The following POLR2B variants were observed in gnomAD, a reference collection of about 807,000 sequenced individuals.
The protein encoded by POLR2B is DNA-directed RNA polymerase II subunit RPB2.
Under a neutral mutation model 144.6 loss-of-function variants are expected in POLR2B, and 57 were observed. The observed-to-expected ratio is 0.39, with a 90% CI of 0.32 to 0.49. POLR2B has a LOEUF of 0.49. Ranked by LOEUF, POLR2B falls within the 20% of genes least tolerant of loss-of-function variation. The probability of loss-of-function intolerance (pLI) is 0.83; values close to 1 mark genes in which losing one functional copy is unlikely to be tolerated. For missense variants in POLR2B, 595 were observed against 1,467.4 expected (o/e 0.41, Z 9.71); for synonymous variants, 442 against 469.8 (o/e 0.94, Z 0.77).
intron 1 of POLR2B, among the ~76,000 whole-genome samples, chr4:56,979,809 C>T (rs1384820678): frequency 6.6e-6 from 1 of 150,768 alleles, no homozygotes; most frequent in East Asian, 2.0e-4. Context: ...TGAGGCCGGA[C>T]GATCGCTTGA....
At chr4:56,979,153 C>T (rs1722073429) in intron 1 of POLR2B, 149 bp downstream of exon 1, 4 of 838,172 alleles carry the variant, frequency 4.8e-6, no homozygotes, top group African/African-American at 1.7e-5. Flanking sequence ...GGGAACGAAA[C>T]TGGGGTAGGG....
chr4:57,023,756 G>T lies in POLR2B; in HGVS notation c.2856+5G>T. On this transcript the variant is annotated splice_donor_5th_base_variant and intron_variant, in intron 20 of 24. Transcript: ENST00000314595. This position sits in a 1 kb window ranked among gnomAD's most constrained non-coding sequence, Gnocchi z 4.3. ...GGTATTCAGTATAGACAAGAGGTAG[G>T]TATCTTTGATCTCCCTCATGCCCAA... 6.4e-7 allele frequency: 1 copy of T among 1,552,030 alleles called. No homozygotes were observed. Among genetic ancestry groups the T allele is most frequent in the African/African-American group, 1.4e-5 (1 of 72,986 alleles).
intron 7 of POLR2B, among the ~76,000 whole-genome samples, chr4:57,004,133 TCTC>T (rs1440682481): frequency 6.7e-6 from 1 of 149,010 alleles, no homozygotes; most frequent in Non-Finnish European, 1.5e-5. Flanking sequence ...TTCAAGCAAT[TCTC>T]CTGCCTCAGC....
At chr4:57,004,162 G>A (rs1280250975) in intron 7 of POLR2B, among the ~76,000 whole-genome samples, 1 of 151,514 alleles carries the variant, frequency 6.6e-6, no homozygotes, top group Admixed American at 6.6e-5. Flanking sequence ...AAGTAGCTGG[G>A]ACTGCAGGCA....
chr4:57,025,373 G>C lies in POLR2B; in HGVS notation c.3079-4G>C, dbSNP rs1203815363. ...CTACACTTCAAAATCTGTGTTTGTT[G>C]CAGGTCCTGTACAATGGGTTCACTG... On this transcript the variant is annotated splice_region_variant and splice_polypyrimidine_tract_variant and intron_variant, in intron 22 of 24. Coordinates refer to ENST00000314595, the MANE Select transcript of POLR2B (RefSeq NM_000938.3). 1 of 1,608,258 alleles carries C rather than the reference G, an allele frequency of 6.2e-7. No homozygotes were observed. Among genetic ancestry groups the C allele is most frequent in the South Asian group, 1.1e-5 (1 of 90,918 alleles).
At chr4:56,989,329 T>C (rs955387924) in intron 2 of POLR2B, among the ~76,000 whole-genome samples, 1 of 152,262 alleles carries the variant, frequency 6.6e-6, no homozygotes, top group Non-Finnish European at 1.5e-5. Context: ...ACAATATCAA[T>C]GGCTAATCCA....
At chr4:56,999,889 C>A in intron 7 of POLR2B, 108 bp downstream of exon 7, 2 of 725,722 alleles carry the variant, frequency 2.8e-6, no homozygotes, top group Admixed American at 2.8e-5. Flanking sequence ...AGTAATTTAG[C>A]TGTCACAAAT....
intron 24 of POLR2B, 94 bp downstream of exon 24, chr4:57,030,493 G>T (rs181811786): frequency 3.6e-6 from 3 of 826,772 alleles, no homozygotes; most frequent in Non-Finnish European, 5.6e-6. Context: ...GAACAGATTG[G>T]CATTTTCACA....
At chr4:57,022,791 T>C (rs1723594716) in intron 18 of POLR2B, among the ~76,000 whole-genome samples, 1 of 152,222 alleles carries the variant, frequency 6.6e-6, no homozygotes, top group Non-Finnish European at 1.5e-5. Context: ...TGACTCTGAA[T>C]AGCATTGCAT....
At chr4:57,010,723 G>T in intron 11 of POLR2B, 25 bp from the exon 12 acceptor site, 1 of 1,563,538 alleles carries the variant, frequency 6.4e-7, no homozygotes, top group South Asian at 1.2e-5. Flanking sequence ...AAATCAGAAT[G>T]ACTAATACTT....
intron 23 of POLR2B, among the ~76,000 whole-genome samples, chr4:57,025,913 T>C (rs562640620): frequency 1.3e-5 from 2 of 152,104 alleles, no homozygotes; most frequent in South Asian, 2.1e-4. Context: ...ACTACAGGCA[T>C]GTGCCACTAC....
At chr4:56,979,065 C>T (rs1351801312) in intron 1 of POLR2B, 61 bp downstream of exon 1, 1 of 1,553,054 alleles carries the variant, frequency 6.4e-7, no homozygotes, top group Admixed American at 1.7e-5. Flanking sequence ...GCGTTGGGAA[C>T]TGATTGGATT....
chr4:57,024,789 A>G, intron 21 of POLR2B, 97 bp from the exon 22 acceptor site: 1 of 652,400 alleles, frequency 1.5e-6, no homozygotes, highest in Non-Finnish European at 2.7e-6. Context: ...AAATTTTAAA[A>G]GTATTTAAAA....
At chr4:56,995,542 G>A (rs527808908) in intron 6 of POLR2B, 133 bp downstream of exon 6, 9 of 532,946 alleles carry the variant, frequency 1.7e-5, no homozygotes, top group East Asian at 5.9e-5. Flanking sequence ...TTTACCTATC[G>A]CTGTGTAACA....
intron 6 of POLR2B, among the ~76,000 whole-genome samples, chr4:56,998,055 G>A (rs1722743502): frequency 6.6e-6 from 1 of 152,114 alleles, no homozygotes; most frequent in African/African-American, 2.4e-5. Context: ...TTTGATGATA[G>A]GTTTGATAAG....
chr4:56,981,651 C>T (rs1371954057), intron 1 of POLR2B, among the ~76,000 whole-genome samples: 1 of 152,214 alleles, frequency 6.6e-6, no homozygotes, highest in African/African-American at 2.4e-5. Flanking sequence ...TTTTCAGTCA[C>T]TATGTGAAAA....
chr4:57,015,070 C>CGTAA (rs1723324032), intron 13 of POLR2B, among the ~76,000 whole-genome samples: 1 of 146,048 alleles, frequency 6.8e-6, no homozygotes, highest in South Asian at 2.2e-4. Flanking sequence ...GTCAGGCTTA[C>CGTAA]GTCTGATAGG....
chr4:56,993,773 TAACTC>T (rs1560473527), intron 3 of POLR2B, among the ~76,000 whole-genome samples: 1 of 152,238 alleles, frequency 6.6e-6, no homozygotes, highest in Non-Finnish European at 1.5e-5. Flanking sequence ...TTTCTTTTGT[TAACTC>T]TACTCCTTTG....
intron 21 of POLR2B, 91 bp from the exon 22 acceptor site, chr4:57,024,795 T>C (rs908568794): frequency 1.3e-4 from 87 of 670,398 alleles, no homozygotes; most frequent in Non-Finnish European, 3.1e-5. Flanking sequence ...TAAAAGTATT[T>C]AAAAATTTTT....
Sources: allele counts gnomAD v4.1 joint callset (sites outside exome capture counted in the v4.1 genomes callset), GRCh38; gene constraint gnomAD v4.1.1; non-coding constraint Gnocchi (gnomAD v3.1); transcripts MANE v1.5; gene names NCBI Gene and HGNC (gene_info 2026-07-23, HGNC 2026-07-21).